Variants in NOTCH2 observed in about 807,000 individuals in gnomAD.
NOTCH2 encodes the protein notch receptor 2.
In NOTCH2, 29 loss-of-function variants were observed where a neutral mutation model predicts 235.8. The observed-to-expected ratio is 0.12, with a 90% CI of 0.09 to 0.17. The LOEUF (loss-of-function observed/expected upper bound fraction) is 0.17, where lower values mean the gene tolerates loss of function less well. NOTCH2 is among the 10% of genes least tolerant of loss of function. NOTCH2 has a pLI of 1.00. For synonymous variants in NOTCH2, 1,086 were observed against 1,141.5 expected, an observed-to-expected ratio of 0.95 and a Z score of 0.98; for missense variants, 2,285 against 3,150.2, an observed-to-expected ratio of 0.73 and a Z score of 6.57.
chr1:119,969,484 T>C, intron 6 of NOTCH2, 27 bp downstream of exon 6: 1 of 1,604,852 alleles, frequency 6.2e-7, no homozygotes. Context: ...CCTTCCCTGT[T>C]TCTAGATCCG....
intron 5 of NOTCH2, among the ~76,000 whole-genome samples, chr1:119,982,891 C>A (rs782028956): frequency 1.3e-5 from 2 of 152,176 alleles, no homozygotes; most frequent in African/African-American, 2.4e-5. Flanking sequence ...TGCCCACAGG[C>A]CATGGGGAAA....
At chr1:119,964,535 T>G (rs587748914) in intron 10 of NOTCH2, among the ~76,000 whole-genome samples, 1 of 152,288 alleles carries the variant, frequency 6.6e-6, no homozygotes, top group African/African-American at 2.4e-5. Flanking sequence ...ATTAACTATT[T>G]GCAAAAAGAA....
intron 23 of NOTCH2, 21 bp from the exon 24 acceptor site, chr1:119,926,632 A>G (rs1343749121): frequency 6.4e-7 from 1 of 1,556,300 alleles, no homozygotes; most frequent in Non-Finnish European, 8.7e-7. Context: ...AAAAAATAAA[A>G]AAGGTTTTAA....
chr1:119,937,508 T>C (rs1553195895), intron 20 of NOTCH2, 42 bp from the exon 21 acceptor site: 1 of 1,577,692 alleles, frequency 6.3e-7, no homozygotes, highest in South Asian at 1.1e-5. Flanking sequence ...GAAGAACATG[T>C]GACACATGGG....
chr1:119,931,572 T>C (rs758426207), intron 22 of NOTCH2, among the ~76,000 whole-genome samples: 1 of 152,158 alleles, frequency 6.6e-6, no homozygotes, highest in South Asian at 2.1e-4. Flanking sequence ...GGTGAATTAA[T>C]AGAATAACAC....
intron 29 of NOTCH2, among the ~76,000 whole-genome samples, 157 bp from the exon 30 acceptor site, chr1:119,920,554 C>T (rs187593276): frequency 6.6e-6 from 1 of 152,292 alleles, no homozygotes; most frequent in African/African-American, 2.4e-5. Context: ...CCTTGGCTTC[C>T]CACTGCTCTC....
chr1:119,955,339 G>A (rs1219398368), intron 12 of NOTCH2, 107 bp from the exon 13 acceptor site: 3 of 1,124,346 alleles, frequency 2.7e-6, no homozygotes, highest in Non-Finnish European at 4.0e-6. Flanking sequence ...AGGCCATAAG[G>A]TGCCTTGAGG....
chr1:119,969,096 G>A lies in NOTCH2; in HGVS notation c.1108+415C>T, dbSNP rs587650945. ...ATATTTTCATAGACATTGAGGGTTA[G>A]AAGGCACTTAAATGTTTCTCTCCTG... On this transcript the variant is annotated intron_variant, in intron 6 of 33. Coordinates refer to ENST00000256646, the MANE Select transcript of NOTCH2 (RefSeq NM_024408.4). Among the ~76,000 whole-genome samples the A allele has an allele frequency of 5.3e-5, 8 of 152,360 alleles. No individual in the cohort carries two copies. In the South Asian group the frequency reaches 1.7e-3, roughly 32 times the overall value.
At chr1:119,963,905 T>C (rs898232954) in intron 10 of NOTCH2, 98 bp from the exon 11 acceptor site, 97 of 1,036,800 alleles carry the variant, frequency 9.4e-5, no homozygotes, top group South Asian at 7.2e-4. Flanking sequence ...ACACATTCGA[T>C]GTGTGGTCAA....
chr1:119,928,228 T>C (rs1649538352), intron 23 of NOTCH2, among the ~76,000 whole-genome samples: 1 of 152,330 alleles, frequency 6.6e-6, no homozygotes, highest in South Asian at 2.1e-4. Flanking sequence ...GGCCCTGTGA[T>C]GAAAGAAAGA....
chr1:119,945,585 T>C (rs1650224395), intron 17 of NOTCH2, among the ~76,000 whole-genome samples: 1 of 152,034 alleles, frequency 6.6e-6, no homozygotes, highest in African/African-American at 2.4e-5. Context: ...TCAGGCAAAG[T>C]AGACTTCAGA....
rs587612272 is a variant in NOTCH2, at chr1:119,933,804, G to C, written c.3655+1668C>G. Among the ~76,000 whole-genome samples the C allele has an allele frequency of 7.9e-5, 12 of 152,310 alleles. 1 individual carries two copies. Among genetic ancestry groups the C allele is most frequent in the South Asian group, 2.1e-4 (1 of 4,818 alleles). On this transcript the variant is annotated intron_variant, in intron 22 of 33. Coordinates refer to ENST00000256646, the MANE Select transcript of NOTCH2 (RefSeq NM_024408.4). ...TGGTATAGTAGTGATTTTAGAGTTT[G>C]ATGAATACTCATGTACTCTCCTATA...
chr1:119,950,843 G>C lies in NOTCH2; in HGVS notation c.2366-6C>G. Reference sequence around the variant, plus strand: ...ATTCACCTGGCAGTTATAGCCTGTAGACAAAAGGAAAAAACCAAAAACAGT... The same window carrying C: ...ATTCACCTGGCAGTTATAGCCTGTACACAAAAGGAAAAAACCAAAAACAGT... On this transcript the variant is annotated splice_polypyrimidine_tract_variant and splice_region_variant and intron_variant, in intron 14 of 33. Coordinates refer to ENST00000256646, the MANE Select transcript of NOTCH2 (RefSeq NM_024408.4). The C allele has an allele frequency of 6.3e-7, 1 of 1,597,880 alleles. No homozygotes were observed. Among genetic ancestry groups the C allele is most frequent in the Non-Finnish European group, 8.6e-7 (1 of 1,165,230 alleles).
At chr1:120,035,385 G>C (rs2691723) in intron 1 of NOTCH2, among the ~76,000 whole-genome samples, 54 of 149,548 alleles carry the variant, frequency 3.6e-4, no homozygotes, top group African/African-American at 8.3e-4. Flanking sequence ...TTACTTTAAC[G>C]AGTCTAGGCT....
intron 17 of NOTCH2, among the ~76,000 whole-genome samples, chr1:119,947,828 AAAC>A (rs1158160173): frequency 1.0e-3 from 152 of 152,356 alleles, no homozygotes; most frequent in African/African-American, 3.6e-3. Flanking sequence ...CTATTGATAT[AAAC>A]AACATGGACG....
chr1:119,925,874 A>G, intron 24 of NOTCH2, 64 bp from the exon 25 acceptor site: 3 of 1,587,810 alleles, frequency 1.9e-6, no homozygotes, highest in South Asian at 1.1e-5. Flanking sequence ...TGGAAGTTTG[A>G]GGTTTCTAGA....
chr1:119,986,545 C>G (rs1052901680), intron 5 of NOTCH2, among the ~76,000 whole-genome samples: 20 of 152,168 alleles, frequency 1.3e-4, no homozygotes, highest in Admixed American at 1.2e-3. Context: ...AGATCTCTGT[C>G]CGTGAACAAA....
Position 119,999,988 on chromosome 1 carries a change from G to A in NOTCH2, c.416-2656C>T, listed in dbSNP as rs61787003. 4.6e-3 allele frequency among the ~76,000 whole-genome samples: 485 copies of A among 105,792 alleles called. 1 individual carries two copies. The highest frequency in any genetic ancestry group is 0.019 in the African/African-American group (220 of 11,588). 69.4% of individuals were successfully genotyped at this position (105,792 alleles called of 152,430 possible). On this transcript the variant is annotated intron_variant, in intron 3 of 33. Transcript: ENST00000256646. Reference sequence around the variant, plus strand: ...GAAAGAAAGAAAGAAAGGAAGGAAGGAAGGAAGGAAGGAAGGAAGGAAGGA... The same window carrying A: ...GAAAGAAAGAAAGAAAGGAAGGAAGAAAGGAAGGAAGGAAGGAAGGAAGGA...
chr1:119,938,882 G>A (rs587770793), intron 19 of NOTCH2, among the ~76,000 whole-genome samples: 90 of 152,112 alleles, frequency 5.9e-4, no homozygotes, highest in African/African-American at 2.0e-3. Flanking sequence ...GGGTTTCACC[G>A]TGTTAGCCAG....
Sources: gnomAD v4.1 joint callset for allele counts (sites outside exome capture counted in the v4.1 genomes callset) on GRCh38, gnomAD v4.1.1 for gene constraint, MANE v1.5 for transcripts, NCBI Gene and HGNC (gene_info 2026-07-23, HGNC 2026-07-21) for gene names.